SMARCC1: variants seen among roughly 807,000 people sequenced by gnomAD.
SMARCC1 encodes SWI/SNF related BAF chromatin remodeling complex subunit C1, also known as SWI/SNF complex subunit SMARCC1.
Under a neutral mutation model 147.4 loss-of-function variants are expected in SMARCC1, and 43 were observed. The ratio of observed to expected loss-of-function variants is 0.29; its 90% CI spans 0.23 to 0.38. SMARCC1 has a LOEUF of 0.38. SMARCC1 is among the 10% of genes least tolerant of loss of function. SMARCC1 has a pLI of 1.00. For synonymous variants in SMARCC1, 495 were observed against 484.4 expected, an observed-to-expected ratio of 1.02 and a Z score of -0.29; for missense variants, 1,119 against 1,381.1, an observed-to-expected ratio of 0.81 and a Z score of 3.01.
chr3:47,746,863 T>A (rs2034569957), intron 2 of SMARCC1, among the ~76,000 whole-genome samples: 2 of 151,662 alleles, frequency 1.3e-5, no homozygotes, highest in Non-Finnish European at 2.9e-5. Flanking sequence ...CCTAAGTAGC[T>A]GGGATTATAG....
intron 27 of SMARCC1, 25 bp downstream of exon 27, chr3:47,590,636 T>C (rs1358849747): frequency 3.4e-6 from 5 of 1,487,328 alleles, no homozygotes; most frequent in Non-Finnish European, 2.7e-6. Flanking sequence ...CCTGAGATAA[T>C]GCATCCCCCC....
chr3:47,671,196 A>AAAAACAAC (rs753672169), intron 18 of SMARCC1, among the ~76,000 whole-genome samples: 6 of 81,208 alleles, frequency 7.4e-5, no homozygotes, highest in Admixed American at 1.8e-4. Context: ...AAAAAAAAAA[A>AAAAACAAC]AACACACACA....
chr3:47,738,794 C>G (rs2034475408), intron 3 of SMARCC1, among the ~76,000 whole-genome samples: 1 of 152,094 alleles, frequency 6.6e-6, no homozygotes, highest in Non-Finnish European at 1.5e-5. Flanking sequence ...GTGATTTAAA[C>G]AGACAAGTTT....
chr3:47,695,100 A>G (rs533948734), intron 11 of SMARCC1, among the ~76,000 whole-genome samples: 2 of 152,258 alleles, frequency 1.3e-5, no homozygotes, highest in African/African-American at 2.4e-5. Context: ...ACCCAACTGT[A>G]GTGTCCTGGT....
intron 4 of SMARCC1, among the ~76,000 whole-genome samples, chr3:47,737,337 T>A (rs186620986): frequency 6.6e-6 from 1 of 152,108 alleles, no homozygotes; most frequent in African/African-American, 2.4e-5. Flanking sequence ...AAAGCTGCAG[T>A]GAGCCTAGCT....
intron 9 of SMARCC1, among the ~76,000 whole-genome samples, chr3:47,708,098 T>TTTTC (rs2034036728): frequency 2.6e-5 from 3 of 114,558 alleles, no homozygotes. Flanking sequence ...TTTTTTTTTT[T>TTTTC]TTTTTTTTTT....
intron 27 of SMARCC1, among the ~76,000 whole-genome samples, chr3:47,588,699 T>TCCCC (rs769849851): frequency 8.7e-5 from 10 of 115,512 alleles, no homozygotes; most frequent in South Asian, 3.3e-4. Flanking sequence ...TTGTTTTTCT[T>TCCCC]CCCGCCCCCC....
At chr3:47,673,399 T>G (rs12636572) in intron 18 of SMARCC1, among the ~76,000 whole-genome samples, 42,118 of 46,918 alleles carry the variant, frequency 0.9, 18,828 homozygotes, top group East Asian at 0.99. Context: ...AAAAAAAGGG[T>G]GGGGGGGGGG....
intron 14 of SMARCC1, among the ~76,000 whole-genome samples, chr3:47,683,190 C>A (rs927418812): frequency 2.8e-4 from 42 of 152,100 alleles, no homozygotes; most frequent in African/African-American, 9.9e-4. Flanking sequence ...ATACACGCGC[C>A]CGCCACCACG....
In SMARCC1 at chr3:47,650,276, A is replaced by AAATAAT. The variant is rs34728200; in HGVS notation, c.2320+11012_2320+11017dup. 5.0e-3 allele frequency among the ~76,000 whole-genome samples: 696 copies of AAATAAT among 138,494 alleles called. 4 individuals are homozygous for AAATAAT. The highest frequency in any genetic ancestry group is 6.4e-3 in the Non-Finnish European group (410 of 63,892). The allele number at this position is 138,494 out of a possible 152,430, so 90.9% of individuals were successfully genotyped here. ...GGGCGACAGAGCGAGACTCTGTTTA[A>AAATAAT]AATAATAATAATAATAATAATAATT... On this transcript the variant is annotated intron_variant, in intron 21 of 27. Coordinates refer to ENST00000254480, the MANE Select transcript of SMARCC1 (RefSeq NM_003074.4).
chr3:47,592,753 C>A (rs2106640464), intron 26 of SMARCC1, among the ~76,000 whole-genome samples: 2 of 152,188 alleles, frequency 1.3e-5, no homozygotes, highest in African/African-American at 4.8e-5. Flanking sequence ...TGAGCACCAC[C>A]ATGCCTGGCT....
In SMARCC1 at chr3:47,728,078, CTTTTTTTTTTTT is replaced by C. The variant is rs1166964500; in HGVS notation, c.646+935_646+946del. On this transcript the variant is annotated intron_variant, in intron 6 of 27. Coordinates refer to ENST00000254480, the MANE Select transcript of SMARCC1 (RefSeq NM_003074.4). ...CCGGATTTAACCACCTTATTAGTCC[CTTTTTTTTTTTT>C]TTTTTTTTTTTTTTGAGATGGAGTC... Among the ~76,000 whole-genome samples, 40 of 56,876 alleles carry C rather than the reference CTTTTTTTTTTTT, an allele frequency of 7.0e-4. 1 individual carries two copies. Among genetic ancestry groups the C allele is most frequent in the Admixed American group, 6.7e-3 (22 of 3,300 alleles). The allele number at this position is 56,876 out of a possible 152,430, so 37.3% of individuals were successfully genotyped here.
intron 21 of SMARCC1, among the ~76,000 whole-genome samples, chr3:47,655,467 C>T (rs1467320095): frequency 1.3e-5 from 2 of 151,822 alleles, no homozygotes; most frequent in Non-Finnish European, 2.9e-5. Flanking sequence ...GAGGCTGAGG[C>T]GGGCAGATCA....
chr3:47,595,737 T>C (rs1004732547), intron 26 of SMARCC1, among the ~76,000 whole-genome samples: 14 of 136,710 alleles, frequency 1.0e-4, no homozygotes, highest in African/African-American at 3.9e-4. Flanking sequence ...TTTCTTTTTC[T>C]TTTTCTTTTT....
At chr3:47,597,424 T>C (rs918019832) in intron 26 of SMARCC1, among the ~76,000 whole-genome samples, 2 of 152,100 alleles carry the variant, frequency 1.3e-5, no homozygotes, top group Admixed American at 1.3e-4. Flanking sequence ...CCTCCCGGGT[T>C]CATGCCATTC....
At chr3:47,633,321 G>A (rs2032916839) in intron 24 of SMARCC1, among the ~76,000 whole-genome samples, 1 of 152,152 alleles carries the variant, frequency 6.6e-6, no homozygotes, top group African/African-American at 2.4e-5. Flanking sequence ...AAAGCACCAT[G>A]AAGAATTTCC....
At chr3:47,604,440 T>A in intron 26 of SMARCC1, 1 of 382,612 alleles carries the variant, frequency 2.6e-6, no homozygotes, top group Non-Finnish European at 5.1e-6. Flanking sequence ...CAGCTCCCAA[T>A]GTAAGCTGTG....
At chr3:47,663,679 G>A in intron 19 of SMARCC1, 2 of 1,499,428 alleles carry the variant, frequency 1.3e-6, no homozygotes, top group South Asian at 1.1e-5. Flanking sequence ...CAGTCATTGA[G>A]GGGCTTAGCC....
intron 2 of SMARCC1, among the ~76,000 whole-genome samples, chr3:47,762,885 T>C (rs1474351714): frequency 6.6e-6 from 1 of 152,068 alleles, no homozygotes; most frequent in Non-Finnish European, 1.5e-5. Flanking sequence ...GCTAACACGG[T>C]GAAACCCTGT....
Sources: gnomAD v4.1 joint callset for allele counts (sites outside exome capture counted in the v4.1 genomes callset) on GRCh38, gnomAD v4.1.1 for gene constraint, MANE v1.5 for transcripts, NCBI Gene and HGNC (gene_info 2026-07-23, HGNC 2026-07-21) for gene names.